Variants in ABLIM1 observed in about 807,000 individuals in gnomAD.
ABLIM1 encodes actin-binding LIM protein 1.
ABLIM1 carries 40 observed loss-of-function variants against 107.0 expected under a neutral mutation model. The observed-to-expected ratio is 0.37, with a 90% CI of 0.29 to 0.49. The LOEUF is 0.49. Among genes scored for constraint, ABLIM1 ranks in the 20% least tolerant of loss-of-function variants. The pLI, the probability that ABLIM1 is intolerant of heterozygous loss-of-function variation, is 0.97. For missense variants in ABLIM1, 857 were observed against 1,008.5 expected (o/e 0.85, Z 2.04); for synonymous variants, 357 against 357.3 (o/e 1.00, Z 0.01).
chr10:114,466,886 C>T (rs2065285600), intron 11 of ABLIM1, among the ~76,000 whole-genome samples: 3 of 152,194 alleles, frequency 2.0e-5, no homozygotes, highest in Admixed American at 2.0e-4. Flanking sequence ...GGGCCAGGCA[C>T]AGTGGCTCAT....
chr10:114,665,101 A>G (rs1404370428), intron 1 of ABLIM1, among the ~76,000 whole-genome samples: 1 of 135,544 alleles, frequency 7.4e-6, no homozygotes, highest in Non-Finnish European at 1.6e-5. Flanking sequence ...TCGGCGAAAG[A>G]GCGAGACTCC....
chr10:114,680,300 G>A (rs1472927669), intron 1 of ABLIM1, among the ~76,000 whole-genome samples: 1 of 152,190 alleles, frequency 6.6e-6, no homozygotes, highest in Non-Finnish European at 1.5e-5. Context: ...CTGAGGCTTA[G>A]AGAAGTTGAG....
At chr10:114,742,000 A>G (rs1051906033) in intron 1 of ABLIM1, among the ~76,000 whole-genome samples, 3 of 152,258 alleles carry the variant, frequency 2.0e-5, no homozygotes, top group African/African-American at 4.8e-5. Flanking sequence ...ATAACAAAAC[A>G]TAAGTACAGA....
chr10:114,708,003 C>A (rs1232452850), intron 1 of ABLIM1, among the ~76,000 whole-genome samples: 1 of 152,130 alleles, frequency 6.6e-6, no homozygotes, highest in Admixed American at 6.5e-5. Flanking sequence ...TTTTTCAAAG[C>A]CTGTCCTGGT....
intron 1 of ABLIM1, among the ~76,000 whole-genome samples, chr10:114,645,096 C>T (rs1301056367): frequency 6.6e-6 from 1 of 152,188 alleles, no homozygotes; most frequent in South Asian, 2.1e-4. Flanking sequence ...AAAATAATAT[C>T]TCAGTTGGGA....
chr10:114,539,685 G>A (rs1358666621), intron 6 of ABLIM1, among the ~76,000 whole-genome samples: 1 of 152,156 alleles, frequency 6.6e-6, no homozygotes, highest in East Asian at 1.9e-4. Context: ...TCTTTATGAG[G>A]CTAGCAGGTA....
intron 1 of ABLIM1, among the ~76,000 whole-genome samples, chr10:114,747,018 A>T (rs1178867159): frequency 1.3e-5 from 2 of 152,142 alleles, no homozygotes; most frequent in African/African-American, 4.8e-5. Context: ...ACTTGCAAAT[A>T]TTTTCTCCCA....
chr10:114,446,379 C>A (rs1468573889), intron 15 of ABLIM1, among the ~76,000 whole-genome samples: 1 of 151,852 alleles, frequency 6.6e-6, no homozygotes, highest in Non-Finnish European at 1.5e-5. Flanking sequence ...TACTTTGGAA[C>A]AATATAGTAA....
intron 1 of ABLIM1, among the ~76,000 whole-genome samples, chr10:114,699,104 CAAAAA>C (rs11344931): frequency 1.7e-5 from 2 of 115,252 alleles, no homozygotes; most frequent in Non-Finnish European, 3.5e-5. Flanking sequence ...TTTTGCTTAG[CAAAAA>C]AAAAAAAAAA....
chr10:114,686,866 A>G (rs1347449745), upstream of ABLIM1, among the ~76,000 whole-genome samples: 1 of 152,026 alleles, frequency 6.6e-6, no homozygotes, highest in African/African-American at 2.4e-5. Context: ...GACTCAAATA[A>G]TCCTCTCGCC....
At chr10:114,440,040 C>T (rs1025101379) in intron 20 of ABLIM1, 42 bp downstream of exon 20, 1 of 1,613,594 alleles carries the variant, frequency 6.2e-7, no homozygotes, top group East Asian at 2.2e-5. Context: ...CATGGCTGTT[C>T]TATCGGTGTG....
chr10:114,602,092 C>T, intron 1 of ABLIM1, 131 bp from the exon 2 acceptor site: 8 of 1,198,190 alleles, frequency 6.7e-6, no homozygotes, highest in Non-Finnish European at 9.5e-6. Context: ...CAGAGCAGTC[C>T]CTCCAAGTCA....
chr10:114,574,227 T>C (rs1455413008), intron 3 of ABLIM1, among the ~76,000 whole-genome samples: 2 of 152,162 alleles, frequency 1.3e-5, no homozygotes, highest in African/African-American at 4.8e-5. Flanking sequence ...AGATCTCCAC[T>C]TGAAAAGGCA....
At chr10:114,468,153 T>A in intron 11 of ABLIM1, 28 bp downstream of exon 11, 6 of 1,603,512 alleles carry the variant, frequency 3.7e-6, no homozygotes, top group Non-Finnish European at 5.1e-6. Flanking sequence ...TTCCACCCAT[T>A]AAAATGATAA....
At chr10:114,472,717 C>T (rs2066831262) in intron 10 of ABLIM1, among the ~76,000 whole-genome samples, 1 of 151,878 alleles carries the variant, frequency 6.6e-6, no homozygotes, top group Non-Finnish European at 1.5e-5. Context: ...TCCCCACCCC[C>T]TCCCCACCTC....
intron 1 of ABLIM1, among the ~76,000 whole-genome samples, chr10:114,749,914 C>A (rs1566301712): frequency 6.6e-6 from 1 of 152,154 alleles, no homozygotes; most frequent in East Asian, 1.9e-4. Flanking sequence ...CCATCCCAGA[C>A]CCTCCATCCC....
intron 1 of ABLIM1, among the ~76,000 whole-genome samples, chr10:114,630,391 C>A (rs2078097062): frequency 6.6e-6 from 1 of 152,038 alleles, no homozygotes; most frequent in Non-Finnish European, 1.5e-5. Context: ...CTGGAAGCAC[C>A]CCCAAAAGAG....
chr10:114,472,687 G>A (rs2066821857), intron 10 of ABLIM1, among the ~76,000 whole-genome samples: 1 of 151,864 alleles, frequency 6.6e-6, no homozygotes, highest in Non-Finnish European at 1.5e-5. Flanking sequence ...TCCCTTATTT[G>A]CTCTGCCCAG....
At chr10:114,644,206 G>C (rs1278635348) in intron 1 of ABLIM1, among the ~76,000 whole-genome samples, 1 of 139,052 alleles carries the variant, frequency 7.2e-6, no homozygotes, top group Non-Finnish European at 1.5e-5. Context: ...GCATGAACCC[G>C]GGAGGCGGAG....
Sources: allele counts gnomAD v4.1 joint callset (sites outside exome capture counted in the v4.1 genomes callset), GRCh38; gene constraint gnomAD v4.1.1; transcripts MANE v1.5; gene names NCBI Gene and HGNC (gene_info 2026-07-23, HGNC 2026-07-21).